Variants in GPR55 observed in about 807,000 individuals in gnomAD.
The protein encoded by GPR55 is G-protein coupled receptor 55.
In GPR55, 6 loss-of-function variants were observed where a neutral mutation model predicts 7.9. That is an observed-to-expected ratio of 0.76 (90% CI 0.41 to 1.49). The LOEUF is 1.49. Ranked by LOEUF, GPR55 falls within the 40% of genes most tolerant of loss-of-function variation. The probability of loss-of-function intolerance (pLI) is 0.01; values close to 1 mark genes in which losing one functional copy is unlikely to be tolerated. For missense variants in GPR55, 376 were observed against 406.0 expected (o/e 0.93, Z 0.63); for synonymous variants, 183 against 166.8 (o/e 1.10, Z -0.75).
intron 1 of GPR55, among the ~76,000 whole-genome samples, chr2:230,949,196 C>T (rs1691362883): frequency 6.6e-6 from 1 of 151,942 alleles, no homozygotes; most frequent in Non-Finnish European, 1.5e-5. Context: ...CGGAGTTTCA[C>T]TCTTCCACCC....
chr2:230,947,381 G>C (rs1691335185), intron 1 of GPR55, among the ~76,000 whole-genome samples: 1 of 152,148 alleles, frequency 6.6e-6, no homozygotes, highest in Non-Finnish European at 1.5e-5. Context: ...TGCAATCCTA[G>C]AAGATTGCAT....
chr2:230,915,726 C>G (rs1690696225), intron 1 of GPR55, among the ~76,000 whole-genome samples: 1 of 152,156 alleles, frequency 6.6e-6, no homozygotes, highest in Non-Finnish European at 1.5e-5. Flanking sequence ...TCACAAACAT[C>G]CATGAATAAA....
At chr2:230,945,378 A>G (rs896263532) in intron 1 of GPR55, among the ~76,000 whole-genome samples, 4 of 151,302 alleles carry the variant, frequency 2.6e-5, no homozygotes, top group Admixed American at 1.3e-4. Flanking sequence ...TGCACTCCCA[A>G]TGACCCAGTT....
intron 1 of GPR55, among the ~76,000 whole-genome samples, chr2:230,938,023 G>T (rs1691159538): frequency 6.6e-6 from 1 of 151,796 alleles, no homozygotes; most frequent in Non-Finnish European, 1.5e-5. Flanking sequence ...AGCTGGGCAT[G>T]GTGGTGTGCA....
chr2:230,910,429 G>A lies in GPR55; in HGVS notation c.534C>T (p.Ser178=), dbSNP rs1992187. 0.058 allele frequency: 92,778 copies of A among 1,613,466 alleles called. 2,895 individuals carry two copies. Among genetic ancestry groups the A allele is most frequent in the East Asian group, 0.075 (3,353 of 44,862 alleles). ...CCTCCAGCGGGAAGAAGACCTTGGC[G>A]CTCCAGGTATCATCAGACATGTTGT... The part of the protein sequence containing the change: ...CFHNMSDDTW[S]AKVFFPLEVF... The change falls in exon 2 of 2, where the codon AGC becomes AGT. Residue 178 remains serine, a synonymous_variant. Transcript: ENST00000650999. The surrounding 1 kb of genome is among the most constrained non-coding windows in gnomAD (Gnocchi z 5.4).
intron 1 of GPR55, among the ~76,000 whole-genome samples, chr2:230,946,634 C>T (rs1250013860): frequency 6.6e-6 from 1 of 152,196 alleles, no homozygotes; most frequent in African/African-American, 2.4e-5. Flanking sequence ...GATCAATGAA[C>T]TAGAGATCAG....
chr2:230,951,764 T>G (rs1160744329), intron 1 of GPR55, among the ~76,000 whole-genome samples: 4 of 151,158 alleles, frequency 2.6e-5, no homozygotes, highest in Admixed American at 2.0e-4. Context: ...GGGTTTTTTT[T>G]TTTTTTTTTT....
rs1690491540 is a variant in GPR55, at chr2:230,907,979, C to T, written c.*2024G>A. On this transcript the variant is annotated 3_prime_UTR_variant, in exon 2 of 2. Transcript: ENST00000650999. ...AGGAGGGTGGTCACTAAATCCACCACCCGTAGACACTGACCCGAACCAGCC... is the reference window on the plus strand; with the variant it reads ...AGGAGGGTGGTCACTAAATCCACCATCCGTAGACACTGACCCGAACCAGCC... The T allele has an allele frequency of 6.6e-6, 1 of 152,228 alleles. No individual in the cohort carries two copies. The highest frequency in any genetic ancestry group is 2.4e-5 in the African/African-American group (1 of 41,452). 9.4% of individuals were successfully genotyped at this position (152,228 alleles called of 1,614,324 possible).
At chr2:230,951,985 C>A (rs1040894719) in intron 1 of GPR55, among the ~76,000 whole-genome samples, 8 of 151,576 alleles carry the variant, frequency 5.3e-5, no homozygotes, top group African/African-American at 1.9e-4. Flanking sequence ...CCAGGCTGGT[C>A]TCAAACTCCT....
intron 1 of GPR55, chr2:230,957,647 C>A: frequency 1.9e-6 from 1 of 538,454 alleles, no homozygotes; most frequent in South Asian, 1.4e-5. Flanking sequence ...CTTTAAGCTC[C>A]TAGGCATTTC....
At chr2:230,922,997 C>T (rs1447838745) in intron 1 of GPR55, among the ~76,000 whole-genome samples, 3 of 152,206 alleles carry the variant, frequency 2.0e-5, no homozygotes, top group African/African-American at 7.2e-5. Context: ...AGCCCGAGCA[C>T]CCGGCCTGTG....
chr2:230,944,979 T>C lies in GPR55; in HGVS notation c.-135+15796A>G, dbSNP rs113932304. ...TGCCGGGGGAAGAACCAGGTAAGGT[T>C]CCCGCACATCGCCCTCCATGAAGCA... On this transcript the variant is annotated intron_variant, in intron 1 of 1. Transcript: ENST00000392039. The surrounding 1 kb of genome is among the most constrained non-coding windows in gnomAD (Gnocchi z 4.2). 6.6e-5 allele frequency among the ~76,000 whole-genome samples: 10 copies of C among 152,332 alleles called. No homozygotes were observed. Among genetic ancestry groups the C allele is most frequent in the African/African-American group, 2.4e-4 (10 of 41,572 alleles).
At chr2:230,952,040 A>G (rs140871000) in intron 1 of GPR55, among the ~76,000 whole-genome samples, 230 of 152,150 alleles carry the variant, frequency 1.5e-3, no homozygotes, top group African/African-American at 5.3e-3. Context: ...TGCTGGGATT[A>G]CAGGTGTGAG....
In GPR55 at chr2:230,911,010, C is replaced by T; in HGVS notation, c.-48G>A. The T allele has an allele frequency of 6.5e-7, 1 of 1,535,486 alleles. No individual in the cohort carries two copies. The highest frequency in any genetic ancestry group is 8.8e-7 in the Non-Finnish European group (1 of 1,137,138). ...GATCAGACGGGGCTCCTTTCACTCT[C>T]TTGAAGTGATGGATTCAAATGACTT... On this transcript the variant is annotated 5_prime_UTR_variant, in exon 2 of 2. Transcript: ENST00000650999.
intron 1 of GPR55, among the ~76,000 whole-genome samples, chr2:230,914,643 T>G: frequency 8.2e-6 from 1 of 122,462 alleles, no homozygotes; most frequent in South Asian, 2.9e-4. Flanking sequence ...CCAGTCTACT[T>G]GTGGGTGGGG....
At chr2:230,956,699 G>C (rs1246319077) in intron 1 of GPR55, among the ~76,000 whole-genome samples, 1 of 152,012 alleles carries the variant, frequency 6.6e-6, no homozygotes, top group East Asian at 1.9e-4. Flanking sequence ...ATTTAACATG[G>C]ATACAATAAT....
At position 230,910,707 on chromosome 2, in the gene GPR55, C is replaced by A. The variant is rs201783201; in HGVS notation, c.256G>T (p.Val86Leu). Residue 86 changes from valine to leucine, a missense_variant, in exon 2 of 2, where the codon GTA becomes TTA. Transcript: ENST00000650999. The surrounding 1 kb of genome is among the most constrained non-coding windows in gnomAD (Gnocchi z 5.4). ...SLPFKMVLSQ[V>L]QSPFPSLCTL... is the part of the protein sequence containing the mutation. ...CACAGGGACGGGAAGGGGGACTGTA[C>A]CTGGGACAGGACCATCTTGAATGGG... The A allele has an allele frequency of 6.2e-7, 1 of 1,613,942 alleles. No individual in the cohort carries two copies. Among genetic ancestry groups the A allele is most frequent in the Non-Finnish European group, 8.5e-7 (1 of 1,179,846 alleles).
In GPR55 at chr2:230,923,927, C is replaced by G. The variant is rs1690894411; in HGVS notation, c.-135+1241G>C. Among the ~76,000 whole-genome samples the G allele has an allele frequency of 6.6e-6, 1 of 152,006 alleles. No individual in the cohort carries two copies. The highest frequency in any genetic ancestry group is 1.5e-5 in the Non-Finnish European group (1 of 67,994). On this transcript the variant is annotated intron_variant, in intron 1 of 1. Transcript: ENST00000650999. This position sits in a 1 kb window ranked among gnomAD's most constrained non-coding sequence, Gnocchi z 4.1. Reference sequence around the variant, plus strand: ...CCTCACTTCTTTGCATGCTCATGCTCCTCTTTCTCCTTGGACTCTCTCCTC... The same window carrying G: ...CCTCACTTCTTTGCATGCTCATGCTGCTCTTTCTCCTTGGACTCTCTCCTC...
intron 1 of GPR55, among the ~76,000 whole-genome samples, chr2:230,919,937 G>A (rs1037021795): frequency 1.3e-5 from 2 of 150,582 alleles, no homozygotes; most frequent in African/African-American, 4.9e-5. Context: ...TAGACATTCA[G>A]AATGATTTCA....
Sources: gnomAD v4.1 joint callset for allele counts (sites outside exome capture counted in the v4.1 genomes callset) on GRCh38, gnomAD v4.1.1 for gene constraint, Gnocchi (gnomAD v3.1) non-coding constraint, MANE v1.5 for transcripts, NCBI Gene and HGNC (gene_info 2026-07-23, HGNC 2026-07-21) for gene names.